AKAP1: variants seen among roughly 807,000 people sequenced by gnomAD.
AKAP1 encodes the protein A-kinase anchoring protein 1, also known as A-kinase anchor protein 1, mitochondrial.
In AKAP1, 32 loss-of-function variants were observed where a neutral mutation model predicts 79.8. That is an observed-to-expected ratio of 0.40 (90% CI 0.30 to 0.54). The LOEUF (loss-of-function observed/expected upper bound fraction) is 0.54, where lower values mean the gene tolerates loss of function less well. AKAP1 is among the 20% of genes least tolerant of loss of function. AKAP1 has a pLI of 0.47. For missense variants in AKAP1, 961 were observed against 1,138.9 expected, an observed-to-expected ratio of 0.84 and a Z score of 2.25; for synonymous variants, 416 against 466.7, an observed-to-expected ratio of 0.89 and a Z score of 1.40.
At position 57,085,992 on chromosome 17, in the gene AKAP1, G is replaced by A. The variant is rs753211169; in HGVS notation, c.-25+594G>A. 42 of 184,524 alleles carry A rather than the reference G, an allele frequency of 2.3e-4. 1 individual carries two copies. The highest frequency in any genetic ancestry group is 1.9e-3 in the South Asian group (22 of 11,410). 11.4% of individuals were successfully genotyped at this position (184,524 alleles called of 1,614,324 possible). A position where few individuals can be genotyped will look rare whatever the true frequency, so the allele number is the denominator to read the frequency against. On this transcript the variant is annotated intron_variant, in intron 1 of 10. Coordinates refer to ENST00000337714, the MANE Select transcript of AKAP1 (RefSeq NM_003488.4). Reference sequence around the variant, plus strand: ...CCGTGCGGCGAGCCAGGGGAACTGGGAAGATGGGCCGGGACATCGGCCGGT... The same window carrying A: ...CCGTGCGGCGAGCCAGGGGAACTGGAAAGATGGGCCGGGACATCGGCCGGT...
rs1915302861 is a variant in AKAP1, at chr17:57,112,399, A to G, written c.1976-92A>G. 3 of 1,480,766 alleles carry G rather than the reference A, an allele frequency of 2.0e-6. No individual in the cohort carries two copies. The East Asian group carries it at 6.9e-5, about 34-fold the overall frequency. 91.7% of individuals were successfully genotyped at this position (1,480,766 alleles called of 1,614,324 possible). A position where few individuals can be genotyped will look rare whatever the true frequency, so the allele number is the denominator to read the frequency against. On this transcript the variant is annotated intron_variant, in intron 4 of 10. Transcript: ENST00000337714. The stretch of plus-strand genomic sequence containing the variant: ...TGCACTTGAACTCTATGCAAAGTCC[A>G]GTGGAGTGGGGTCTGTGGCTGTGTT...
At chr17:57,091,289 T>C (rs1449859382) in intron 1 of AKAP1, among the ~76,000 whole-genome samples, 1 of 151,548 alleles carries the variant, frequency 6.6e-6, no homozygotes, top group African/African-American at 2.4e-5. Context: ...TGGCCAAGCA[T>C]GTGCTGGTGC....
chr17:57,114,334 T>G, intron 5 of AKAP1, 125 bp from the exon 6 acceptor site: 1 of 1,134,890 alleles, frequency 8.8e-7, no homozygotes, highest in Non-Finnish European at 1.3e-6. Context: ...CTGGGTGCCA[T>G]GTTGTCTTGA....
chr17:57,109,269 C>G (rs1915090377), intron 2 of AKAP1, among the ~76,000 whole-genome samples: 1 of 152,202 alleles, frequency 6.6e-6, no homozygotes, highest in Admixed American at 6.5e-5. Flanking sequence ...CTTTGGCACG[C>G]TCTTGAGTGA....
At chr17:57,115,164 CCCAGCCTTTG>C (rs1567915470) in intron 6 of AKAP1, among the ~76,000 whole-genome samples, 1 of 152,126 alleles carries the variant, frequency 6.6e-6, no homozygotes. Flanking sequence ...GGGGTCTGAG[CCCAGCCTTTG>C]TCATTATTAT....
At position 57,100,307 on chromosome 17, in the gene AKAP1, C is replaced by G. The variant is rs896961814; in HGVS notation, c.-24-5134C>G. Among the ~76,000 whole-genome samples the G allele has an allele frequency of 2.0e-5, 3 of 152,154 alleles. No individual in the cohort carries two copies. The South Asian group carries it at 6.2e-4, about 32-fold the overall frequency. On this transcript the variant is annotated intron_variant, in intron 1 of 10. Coordinates refer to ENST00000337714, the MANE Select transcript of AKAP1 (RefSeq NM_003488.4). ...CACAATCTAAATTTACTGACCTGGC[C>G]AGGCGCGGTGGCTCACGCCTATAAT...
rs1333445009 is a variant in AKAP1 at position 57,110,033 on chromosome 17, A to G, written c.1723A>G (p.Arg575Gly). The change falls in exon 3 of 11, where the codon AGG becomes GGG. Residue 575 changes from arginine (R) to glycine (G), a missense_variant. Arg to Gly is a moderately radical substitution (Grantham distance 125, BLOSUM62 -2). This residue lies in a region of AKAP1 where 629 missense variants were observed against 781.1 expected (regional missense o/e 0.81). Transcript: ENST00000337714. ...AEADHSGGSD[R>G]NSMDSVDSCC... The stretch of plus-strand genomic sequence containing the variant: ...TGCTTCTTCCCCTGCAGGTTCTGAC[A>G]GGAACAGCATGGATTCCGTGGATAG... 1 of 1,613,866 alleles carries G rather than the reference A, an allele frequency of 6.2e-7. No individual in the cohort carries two copies. Among genetic ancestry groups the G allele is most frequent in the Admixed American group, 1.7e-5 (1 of 59,984 alleles).
intron 1 of AKAP1, chr17:57,095,044 A>C (rs1914011691): frequency 6.6e-6 from 1 of 152,266 alleles, no homozygotes; most frequent in South Asian, 2.1e-4. Context: ...GTCTGAGGAC[A>C]CTGGCACCCC....
At position 57,106,768 on chromosome 17, in the gene AKAP1, A is replaced by G. The variant is rs746453762; in HGVS notation, c.1304A>G (p.Tyr435Cys). 12 of 1,613,974 alleles carry G rather than the reference A, an allele frequency of 7.4e-6. No individual in the cohort carries two copies. Among genetic ancestry groups the G allele is most frequent in the Admixed American group, 3.3e-5 (2 of 60,010 alleles). ...GAGGGCTCACCACCACCAAAGACCT[A>G]CGTGAGCTGCCTGAAGAGCCTTCTG... is the stretch of plus-strand genomic sequence containing the variant. Reference protein sequence around the residue: ...PAEGSPPPKTYVSCLKSLLSS... With the variant: ...PAEGSPPPKTCVSCLKSLLSS... Residue 435 changes from tyrosine to cysteine, a missense_variant, in exon 2 of 11, where the codon TAC becomes TGC. By Grantham distance (194) the Tyr-to-Cys change is radical (BLOSUM62 -2). This residue lies in a region of AKAP1 where 629 missense variants were observed against 781.1 expected (regional missense o/e 0.81). Coordinates refer to ENST00000337714, the MANE Select transcript of AKAP1 (RefSeq NM_003488.4).
At chr17:57,103,718 A>G (rs1914666866) in intron 1 of AKAP1, among the ~76,000 whole-genome samples, 1 of 152,224 alleles carries the variant, frequency 6.6e-6, no homozygotes, top group Non-Finnish European at 1.5e-5. Flanking sequence ...AGAGATTTAA[A>G]GTTTGCTGGC....
intron 1 of AKAP1, among the ~76,000 whole-genome samples, chr17:57,102,816 G>A (rs1033496684): frequency 2.0e-5 from 3 of 152,098 alleles, no homozygotes; most frequent in Non-Finnish European, 2.9e-5. Flanking sequence ...CATTTGGCTG[G>A]GCACCGTGGC....
Position 57,106,184 on chromosome 17 carries a change from G to C in AKAP1, c.720G>C (p.Glu240Asp), listed in dbSNP as rs139907145. Residue 240 changes from glutamate to aspartate, a missense_variant, in exon 2 of 11, where the codon GAG (glutamate) becomes GAC (aspartate). Physicochemically the swap from Glu to Asp is conservative, Grantham distance 45. This residue lies in a region of AKAP1 where 224 missense variants were observed against 210.2 expected (regional missense o/e 1.07). Coordinates refer to ENST00000337714, the MANE Select transcript of AKAP1 (RefSeq NM_003488.4). The stretch of plus-strand genomic sequence containing the variant: ...AGGGCCCCAGCCTGGCCTCTTTAGA[G>C]GGGGAAGAAGATAAGGGGAAGAGCA... ...NSKGPSLASL[E>D]GEEDKGKSSS... 1.3e-4 allele frequency: 209 copies of C among 1,614,126 alleles called. 1 individual carries two copies. The East Asian group carries it at 4.5e-3, about 35-fold the overall frequency.
rs113248551 is a variant in AKAP1 at position 57,116,577 on chromosome 17, A to G, written c.2433-283A>G. Among the ~76,000 whole-genome samples the G allele has an allele frequency of 3.4e-3, 516 of 152,308 alleles. 3 individuals carry two copies. Among genetic ancestry groups the G allele is most frequent in the African/African-American group, 0.012 (500 of 41,558 alleles). ...GCAGGAGTTCAAGACCAGACCGGGC[A>G]GTATAGCGAGACCTCATCTCTACAA... On this transcript the variant is annotated intron_variant, in intron 7 of 10. Coordinates refer to ENST00000337714, the MANE Select transcript of AKAP1 (RefSeq NM_003488.4).
In AKAP1 at chr17:57,086,284, A is replaced by C. The variant is rs1441642822; in HGVS notation, c.-25+886A>C. ...AGTTTTGGGGTTACGATGTGCTAGG[A>C]GAGGCAGTGGCTGGATGCCTCGAAC... On this transcript the variant is annotated intron_variant, in intron 1 of 10. Transcript: ENST00000337714. The surrounding 1 kb of genome is among the most constrained non-coding windows in gnomAD (Gnocchi z 5.1). 2.6e-6 allele frequency: 1 copy of C among 385,898 alleles called. No homozygotes were observed. The highest frequency in any genetic ancestry group is 2.1e-5 in the African/African-American group (1 of 47,184). 23.9% of individuals were successfully genotyped at this position (385,898 alleles called of 1,614,324 possible). A position where few individuals can be genotyped will look rare whatever the true frequency, so the allele number is the denominator to read the frequency against.
rs1007119503 is a variant in AKAP1 at position 57,085,308 on chromosome 17, G to A, written c.-115G>A. On this transcript the variant is annotated 5_prime_UTR_variant, in exon 1 of 11. Coordinates refer to ENST00000337714, the MANE Select transcript of AKAP1 (RefSeq NM_003488.4). The stretch of plus-strand genomic sequence containing the variant: ...GCACGTGGGGGAGCTGCGGAAGCGC[G>A]GCGCTGCGGGCCGGGCCGCGGGGCA... The A allele has an allele frequency of 4.6e-5, 7 of 151,248 alleles. No individual in the cohort carries two copies. Among genetic ancestry groups the A allele is most frequent in the African/African-American group, 1.5e-4 (6 of 41,264 alleles). The allele number at this position is 151,248 out of a possible 1,614,324, so 9.4% of individuals were successfully genotyped here. A position where few individuals can be genotyped will look rare whatever the true frequency, so the allele number is the denominator to read the frequency against.
chr17:57,118,887 C>T (rs556718519), intron 9 of AKAP1, 95 bp from the exon 10 acceptor site: 236 of 1,393,684 alleles, frequency 1.7e-4, no homozygotes, highest in Middle Eastern at 7.2e-4. Context: ...GTCTCTCCCT[C>T]GACACATGGG....
intron 1 of AKAP1, chr17:57,095,952 G>A (rs1914084626): frequency 6.6e-6 from 1 of 152,168 alleles, no homozygotes; most frequent in East Asian, 1.9e-4. Flanking sequence ...CCAGAGGTGA[G>A]GGGCAAGGTG....
Position 57,111,857 on chromosome 17 carries a change from A to G in AKAP1, c.1908A>G (p.Thr636=), listed in dbSNP as rs770657201. ...QGRYVSFLKQ[T]SGAKIYISTL... ...GCTATGTGAGTTTTCTGAAGCAAAC[A>G]TCTGGTGCCAAGATCTACATTTCAA... The change falls in exon 4 of 11, where the codon ACA becomes ACG. Residue 636 remains threonine (T), a synonymous_variant. Transcript: ENST00000337714. 9 of 1,613,794 alleles carry G rather than the reference A, an allele frequency of 5.6e-6. No individual in the cohort carries two copies. In the Admixed American group the frequency reaches 1.0e-4, roughly 18 times the overall value.
Position 57,107,133 on chromosome 17 carries a change from GC to G in AKAP1, c.1670del (p.Ala557ValfsTer62). The G allele has an allele frequency of 6.2e-7, 1 of 1,613,742 alleles. No homozygotes were observed. Among genetic ancestry groups the G allele is most frequent in the South Asian group, 1.1e-5 (1 of 91,042 alleles). ...VLKGELSDLG[A>X]EDGWTMDAEA... ...GAAGGGGGAGTTGTCAGACTTGGGG[GC>G]TGAGGATGGATGGACCATGGATGCG... On this transcript the variant is annotated frameshift_variant, in exon 2 of 11. Transcript: ENST00000337714. LOFTEE classifies it high-confidence loss of function.
Sources: gnomAD v4.1 joint callset for allele counts (sites outside exome capture counted in the v4.1 genomes callset) on GRCh38, gnomAD v4.1.1 for gene constraint, gnomAD v4.1.1 regional missense constraint, Gnocchi (gnomAD v3.1) non-coding constraint, MANE v1.5 for transcripts, NCBI Gene and HGNC (gene_info 2026-07-23, HGNC 2026-07-21) for gene names.